TSPAN2: variants seen among roughly 807,000 people sequenced by gnomAD.
The protein encoded by TSPAN2 is tetraspanin-2.
TSPAN2 carries 24 observed loss-of-function variants against 33.3 expected under a neutral mutation model. The ratio of observed to expected loss-of-function variants is 0.72; its 90% confidence interval spans 0.52 to 1.01. The LOEUF is 1.01. Ranked by LOEUF, TSPAN2 falls within the 50% of genes least tolerant of loss-of-function variation. The pLI is 0.00. For synonymous variants in TSPAN2, 114 were observed against 104.5 expected, an observed-to-expected ratio of 1.09 and a Z score of -0.56; for missense variants, 278 against 281.3, an observed-to-expected ratio of 0.99 and a Z score of 0.08.
chr1:115,061,913 C>T (rs1203404669), intron 3 of TSPAN2, among the ~76,000 whole-genome samples: 1 of 152,118 alleles, frequency 6.6e-6, no homozygotes, highest in East Asian at 1.9e-4. Context: ...CTCAGCCTCC[C>T]AAAGTGCTGG....
chr1:115,076,688 T>C (rs982427575), intron 1 of TSPAN2, among the ~76,000 whole-genome samples: 2 of 152,204 alleles, frequency 1.3e-5, no homozygotes, highest in Non-Finnish European at 2.9e-5. Flanking sequence ...GAAGCAAAAG[T>C]TGGACTTTGA....
intron 1 of TSPAN2, 79 bp downstream of exon 1, chr1:115,089,285 T>C: frequency 3.0e-6 from 4 of 1,326,130 alleles, no homozygotes; most frequent in South Asian, 2.8e-5. Flanking sequence ...GACGCCGCAG[T>C]CAGCAGCTCG....
chr1:115,062,372 G>C, intron 2 of TSPAN2, 140 bp from the exon 3 acceptor site: 1 of 642,132 alleles, frequency 1.6e-6, no homozygotes, highest in Non-Finnish European at 2.7e-6. Flanking sequence ...GTTTGACACG[G>C]AGGAACTGGG....
intron 1 of TSPAN2, 40 bp downstream of exon 1, chr1:115,089,318 CACCCGG>C: frequency 2.1e-6 from 3 of 1,456,330 alleles, no homozygotes; most frequent in Non-Finnish European, 2.8e-6. Context: ...CCGCGCCCGC[CACCCGG>C]CCCCCTGCCC....
In TSPAN2 at chr1:115,089,404, C is replaced by T. The variant is rs762658451; in HGVS notation, c.29G>A (p.Cys10Tyr). 11 of 1,589,994 alleles carry T rather than the reference C, an allele frequency of 6.9e-6. No individual in the cohort carries two copies. The highest frequency in any genetic ancestry group is 2.3e-5 in the South Asian group (2 of 88,110). Residue 10 changes from cysteine (C) to tyrosine (Y), a missense_variant, in exon 1 of 8, where the codon TGC becomes TAC. Physicochemically the swap from Cys to Tyr is radical, Grantham distance 194. Transcript: ENST00000369516. ...GAAGCCAAGCAGCAGGTACTTGATG[C>T]ACCGCAGGCCCCCGCGGAAGCGCCC... MGRFRGGLR[C>Y]IKYLLLGFNL...
rs189336087 is a variant in TSPAN2, at chr1:115,089,236, C to T, written c.69+128G>A. The T allele has an allele frequency of 2.6e-3, 1,786 of 676,328 alleles. 30 individuals are homozygous for T. The African/African-American group carries it at 0.031, about 12-fold the overall frequency. The allele number at this position is 676,328 out of a possible 1,614,324, so 41.9% of individuals were successfully genotyped here. A position where few individuals can be genotyped will look rare whatever the true frequency, so the allele number is the denominator to read the frequency against. The stretch of plus-strand genomic sequence containing the variant: ...TCTTTGTTTGCCTTCTCCTCGCCTC[C>T]GCGTTTGAGCACCCAGCCCTCCCCA... On this transcript the variant is annotated intron_variant, in intron 1 of 7. Transcript: ENST00000369516.
chr1:115,058,415 T>C (rs962035691), intron 5 of TSPAN2: 7 of 223,034 alleles, frequency 3.1e-5, no homozygotes, highest in Non-Finnish European at 2.6e-5. Flanking sequence ...CCATCTCCTG[T>C]GACCCTTCAT....
rs894233379 is a variant in TSPAN2, at chr1:115,065,446, C to T, written c.173-3214G>A. 4.6e-5 allele frequency among the ~76,000 whole-genome samples: 7 copies of T among 152,282 alleles called. No individual in the cohort carries two copies. The South Asian group carries it at 6.2e-4, about 14-fold the overall frequency. ...TACTTCCCAAAGCCCTCATGCTTTC[C>T]GAGTCCTATTGCCTTTGATTTGAAA... On this transcript the variant is annotated intron_variant, in intron 2 of 7. Coordinates refer to ENST00000369516, the MANE Select transcript of TSPAN2 (RefSeq NM_005725.6).
intron 2 of TSPAN2, among the ~76,000 whole-genome samples, chr1:115,068,636 C>T (rs1648042031): frequency 6.6e-6 from 1 of 152,106 alleles, no homozygotes; most frequent in African/African-American, 2.4e-5. Context: ...AAACACTGGG[C>T]CTGTTTGTTT....
At position 115,050,250 on chromosome 1, in the gene TSPAN2, T is replaced by A. The variant is rs1675276265; in HGVS notation, c.*240A>T. 5.7e-6 allele frequency: 3 copies of A among 526,946 alleles called. No individual in the cohort carries two copies. The allele number at this position is 526,946 out of a possible 1,614,324, so 32.6% of individuals were successfully genotyped here. On this transcript the variant is annotated 3_prime_UTR_variant, in exon 8 of 8. Coordinates refer to ENST00000369516, the MANE Select transcript of TSPAN2 (RefSeq NM_005725.6). ...CCCAGCAAACAGATTTCATTACGTA[T>A]AAAGCATATTCCAGAAACACGCAGA...
chr1:115,089,315 C>CCCCACCCCGCCCCCAGCCCA, intron 1 of TSPAN2, 49 bp downstream of exon 1: 2 of 1,435,410 alleles, frequency 1.4e-6, no homozygotes, highest in Non-Finnish European at 1.9e-6. Context: ...GCCCCGCGCC[C>CCCCACCCCGCCCCCAGCCCA]GCCACCCGGC....
intron 1 of TSPAN2, 41 bp from the exon 2 acceptor site, chr1:115,073,048 A>C (rs1443885624): frequency 6.4e-7 from 1 of 1,556,518 alleles, no homozygotes; most frequent in Middle Eastern, 1.7e-4. Flanking sequence ...GGAAGGGGAA[A>C]GAGCATGCAC....
At chr1:115,068,777 T>G (rs1355892571) in intron 2 of TSPAN2, among the ~76,000 whole-genome samples, 1 of 152,232 alleles carries the variant, frequency 6.6e-6, no homozygotes, top group Non-Finnish European at 1.5e-5. Flanking sequence ...GGAAAAAATG[T>G]CAATTTCTAC....
chr1:115,052,531 G>A (rs1255811835), intron 7 of TSPAN2, among the ~76,000 whole-genome samples: 1 of 152,072 alleles, frequency 6.6e-6, no homozygotes, highest in Non-Finnish European at 1.5e-5. Context: ...CCTTAAGGGT[G>A]AAGCCCACCC....
chr1:115,086,752 G>C (rs1211317831), intron 1 of TSPAN2, among the ~76,000 whole-genome samples: 1 of 152,164 alleles, frequency 6.6e-6, no homozygotes, highest in East Asian at 1.9e-4. Context: ...AGGGAACTGT[G>C]TTTATATTTA....
chr1:115,053,274 T>C (rs1027758178), intron 7 of TSPAN2, 105 bp downstream of exon 7: 1 of 984,276 alleles, frequency 1.0e-6, no homozygotes, highest in South Asian at 1.5e-5. Flanking sequence ...CTTTTTTCTT[T>C]ATGAGAATTC....
intron 1 of TSPAN2, among the ~76,000 whole-genome samples, chr1:115,077,618 C>A (rs575005768): frequency 5.8e-4 from 88 of 152,292 alleles, no homozygotes; most frequent in Middle Eastern, 6.8e-3. Context: ...AAAAAGTTTT[C>A]TTTAATAATG....
intron 6 of TSPAN2, among the ~76,000 whole-genome samples, chr1:115,055,121 T>C (rs1481044242): frequency 2.6e-5 from 4 of 152,214 alleles, no homozygotes; most frequent in East Asian, 1.9e-4. Flanking sequence ...TCCTTATCCA[T>C]TGACATTTCT....
At chr1:115,068,877 C>G (rs1286346) in intron 2 of TSPAN2, among the ~76,000 whole-genome samples, 1 of 152,054 alleles carries the variant, frequency 6.6e-6, no homozygotes, top group Non-Finnish European at 1.5e-5. Flanking sequence ...CTTGTTGCCA[C>G]TATCCAGAGA....
Sources: gnomAD v4.1 joint callset for allele counts (sites outside exome capture counted in the v4.1 genomes callset) on GRCh38, gnomAD v4.1.1 for gene constraint, MANE v1.5 for transcripts, NCBI Gene and HGNC (gene_info 2026-07-23, HGNC 2026-07-21) for gene names.